The following UBE2E1 variants were observed in gnomAD, a reference collection of about 807,000 sequenced individuals.
The protein encoded by UBE2E1 is ubiquitin-conjugating enzyme E2 E1.
UBE2E1 carries 6 observed loss-of-function variants against 21.4 expected under a neutral mutation model. The ratio of observed to expected loss-of-function variants is 0.28; its 90% CI spans 0.15 to 0.55. The LOEUF (loss-of-function observed/expected upper bound fraction) is 0.55, where lower values mean the gene tolerates loss of function less well. UBE2E1 is among the 20% of genes least tolerant of loss of function. UBE2E1 has a pLI of 0.93. For missense variants in UBE2E1, 142 were observed against 236.5 expected (o/e 0.60, Z 2.62); for synonymous variants, 87 against 82.7 (o/e 1.05, Z -0.28).
intron 3 of UBE2E1, among the ~76,000 whole-genome samples, chr3:23,847,547 T>G (rs1559483969): frequency 7.2e-6 from 1 of 139,858 alleles, no homozygotes; most frequent in Non-Finnish European, 1.5e-5. Flanking sequence ...CAGGCTGGAG[T>G]GCAGTGGTGC....
chr3:23,854,710 T>C (rs925483996), intron 3 of UBE2E1, among the ~76,000 whole-genome samples: 3 of 152,218 alleles, frequency 2.0e-5, no homozygotes, highest in Non-Finnish European at 2.9e-5. Context: ...ACAATAACTT[T>C]TGTGTGTGCT....
chr3:23,890,335 T>TTATG (rs763083858), intron 5 of UBE2E1, among the ~76,000 whole-genome samples, 174 bp from the exon 6 acceptor site: 1 of 152,168 alleles, frequency 6.6e-6, no homozygotes, highest in Non-Finnish European at 1.5e-5. Context: ...TCCCCCAACG[T>TTATG]TATGTTTTTT....
rs931450225 is a variant in UBE2E1, at chr3:23,816,359, T to C, written c.203+4849T>C. ...TAATCTATAAACTGGAATATTCATCTATAAAAAGGAATGAAGTTGTGATGC... is the reference window on the plus strand; with the variant it reads ...TAATCTATAAACTGGAATATTCATCCATAAAAAGGAATGAAGTTGTGATGC... On this transcript the variant is annotated intron_variant, in intron 3 of 5. Transcript: ENST00000306627. This position sits in a 1 kb window ranked among gnomAD's most constrained non-coding sequence, Gnocchi z 4.8. Among the ~76,000 whole-genome samples the C allele has an allele frequency of 6.6e-6, 1 of 152,074 alleles. No individual in the cohort carries two copies. Among genetic ancestry groups the C allele is most frequent in the African/African-American group, 2.4e-5 (1 of 41,448 alleles).
chr3:23,815,403 T>C (rs1174880269), intron 3 of UBE2E1, among the ~76,000 whole-genome samples: 2 of 152,240 alleles, frequency 1.3e-5, no homozygotes. Flanking sequence ...CAAGAATGCA[T>C]GTTTTTGAAA....
chr3:23,870,061 C>T lies in UBE2E1; in HGVS notation c.204-17506C>T, dbSNP rs1006447132. The stretch of plus-strand genomic sequence containing the variant: ...GACTGGAGTCATGTGAAGCCTTCCT[C>T]ACTTTTACATGTCTGGTTTTCCACC... On this transcript the variant is annotated intron_variant, in intron 3 of 5. Coordinates refer to ENST00000306627, the MANE Select transcript of UBE2E1 (RefSeq NM_003341.5). This position sits in a 1 kb window ranked among gnomAD's most constrained non-coding sequence, Gnocchi z 4.2. 1.3e-5 allele frequency among the ~76,000 whole-genome samples: 2 copies of T among 152,164 alleles called. No homozygotes were observed. Among genetic ancestry groups the T allele is most frequent in the Admixed American group, 6.5e-5 (1 of 15,274 alleles).
At chr3:23,841,934 G>T (rs1451352887) in intron 3 of UBE2E1, among the ~76,000 whole-genome samples, 1 of 152,154 alleles carries the variant, frequency 6.6e-6, no homozygotes, top group Non-Finnish European at 1.5e-5. Flanking sequence ...TATTCTAGGT[G>T]AGTGTTGAGT....
At position 23,863,617 on chromosome 3, in the gene UBE2E1, G is replaced by A. The variant is rs1036366304; in HGVS notation, c.204-23950G>A. The stretch of plus-strand genomic sequence containing the variant: ...GCGATCTCAACTCACCGCAACCTCC[G>A]CCTTCTGGGTTCAAGTGATTCTGCT... On this transcript the variant is annotated intron_variant, in intron 3 of 5. Coordinates refer to ENST00000306627, the MANE Select transcript of UBE2E1 (RefSeq NM_003341.5). The surrounding 1 kb of genome is among the most constrained non-coding windows in gnomAD (Gnocchi z 4.3). Among the ~76,000 whole-genome samples the A allele has an allele frequency of 2.0e-5, 3 of 152,088 alleles. No individual in the cohort carries two copies. The highest frequency in any genetic ancestry group is 1.9e-4 in the East Asian group (1 of 5,202).
intron 3 of UBE2E1, among the ~76,000 whole-genome samples, chr3:23,877,088 A>G (rs1700931846): frequency 6.6e-6 from 1 of 152,192 alleles, no homozygotes; most frequent in African/African-American, 2.4e-5. Context: ...TCAAACTTTA[A>G]TGTGCATAAG....
Position 23,810,733 on chromosome 3 carries a change from C to G in UBE2E1, c.153-727C>G, listed in dbSNP as rs1056440243. 1.0e-5 allele frequency: 4 copies of G among 387,012 alleles called. No homozygotes were observed. In the Admixed American group the frequency reaches 1.9e-4, roughly 19 times the overall value. The allele number at this position is 387,012 out of a possible 1,614,324, so 24.0% of individuals were successfully genotyped here. A position where few individuals can be genotyped will look rare whatever the true frequency, so the allele number is the denominator to read the frequency against. ...AGCTGGGGCGGCGCGGAGCAGCCCC[C>G]GTGCGGGCACCCTGTTCCCCTCCCC... On this transcript the variant is annotated intron_variant, in intron 2 of 5. Transcript: ENST00000306627. The surrounding 1 kb of genome is among the most constrained non-coding windows in gnomAD (Gnocchi z 5.8).
At chr3:23,832,101 A>G (rs1699880011) in intron 3 of UBE2E1, among the ~76,000 whole-genome samples, 1 of 152,260 alleles carries the variant, frequency 6.6e-6, no homozygotes, top group African/African-American at 2.4e-5. Context: ...CTGTGAGCAT[A>G]TGGATCATGT....
In UBE2E1 at chr3:23,816,654, C is replaced by T. The variant is rs551271086; in HGVS notation, c.203+5144C>T. Among the ~76,000 whole-genome samples, 1 of 152,202 alleles carries T rather than the reference C, an allele frequency of 6.6e-6. No homozygotes were observed. Among genetic ancestry groups the T allele is most frequent in the African/African-American group, 2.4e-5 (1 of 41,536 alleles). On this transcript the variant is annotated intron_variant, in intron 3 of 5. Transcript: ENST00000306627. This position sits in a 1 kb window ranked among gnomAD's most constrained non-coding sequence, Gnocchi z 4.8. ...CCCAGGAGGCGGAGCTTGCTGTGAGCAGAGATCGCACCACTGCACTCCAGC... is the reference window on the plus strand; with the variant it reads ...CCCAGGAGGCGGAGCTTGCTGTGAGTAGAGATCGCACCACTGCACTCCAGC...
rs147526780 is a variant in UBE2E1 at position 23,824,253 on chromosome 3, T to C, written c.203+12743T>C. 2.0e-4 allele frequency among the ~76,000 whole-genome samples: 31 copies of C among 152,350 alleles called. 1 individual carries two copies. Among genetic ancestry groups the C allele is most frequent in the African/African-American group, 6.7e-4 (28 of 41,590 alleles). On this transcript the variant is annotated intron_variant, in intron 3 of 5. Coordinates refer to ENST00000306627, the MANE Select transcript of UBE2E1 (RefSeq NM_003341.5). The stretch of plus-strand genomic sequence containing the variant: ...TCTTGGAGCCCAGACTTATTTGTTA[T>C]GGAGATTTGGAGCTAGGAGGGACCC...
chr3:23,814,645 G>A (rs578059267), intron 3 of UBE2E1, among the ~76,000 whole-genome samples: 19 of 152,138 alleles, frequency 1.2e-4, no homozygotes, highest in Non-Finnish European at 1.9e-4. Context: ...CCAGATCTTA[G>A]ATTGTAAAAT....
intron 3 of UBE2E1, among the ~76,000 whole-genome samples, chr3:23,812,013 A>G (rs966108117): frequency 5.9e-5 from 9 of 152,182 alleles, no homozygotes; most frequent in African/African-American, 2.2e-4. Context: ...GCTTTGATAA[A>G]GGTTTTCTTT....
intron 3 of UBE2E1, among the ~76,000 whole-genome samples, chr3:23,884,734 T>C (rs1701138566): frequency 6.6e-6 from 1 of 152,220 alleles, no homozygotes; most frequent in Non-Finnish European, 1.5e-5. Context: ...GTACGACTCC[T>C]GCCTCTAGGA....
intron 3 of UBE2E1, among the ~76,000 whole-genome samples, chr3:23,884,575 G>A (rs1701133117): frequency 6.6e-6 from 1 of 152,186 alleles, no homozygotes; most frequent in African/African-American, 2.4e-5. Flanking sequence ...TGCATGTAGT[G>A]ACATACTGGT....
chr3:23,839,837 T>G (rs1700047742), intron 3 of UBE2E1, among the ~76,000 whole-genome samples: 1 of 152,218 alleles, frequency 6.6e-6, no homozygotes, highest in African/African-American at 2.4e-5. Context: ...GTCATCTTTT[T>G]GTCTGGCTAC....
intron 3 of UBE2E1, among the ~76,000 whole-genome samples, chr3:23,824,287 C>A (rs1699705850): frequency 6.6e-6 from 1 of 152,078 alleles, no homozygotes; most frequent in East Asian, 1.9e-4. Flanking sequence ...CCGATGCTCC[C>A]TTCTCTGTCT....
intron 3 of UBE2E1, among the ~76,000 whole-genome samples, chr3:23,873,888 C>A (rs928390908): frequency 6.6e-5 from 10 of 152,288 alleles, no homozygotes; most frequent in African/African-American, 2.4e-4. Flanking sequence ...CAACAAAAAA[C>A]TGAAAATTAT....
Sources: gnomAD v4.1 joint callset for allele counts (sites outside exome capture counted in the v4.1 genomes callset) on GRCh38, gnomAD v4.1.1 for gene constraint, Gnocchi (gnomAD v3.1) non-coding constraint, MANE v1.5 for transcripts, NCBI Gene and HGNC (gene_info 2026-07-23, HGNC 2026-07-21) for gene names.